Variants in UGCG observed in about 807,000 individuals in gnomAD.
UGCG encodes the protein UDP-glucose ceramide glucosyltransferase, also known as ceramide glucosyltransferase.
Under a neutral mutation model 49.5 loss-of-function variants are expected in UGCG, and 10 were observed. The observed-to-expected ratio is 0.20, with a 90% confidence interval of 0.12 to 0.34. The LOEUF (loss-of-function observed/expected upper bound fraction) is 0.34. Ranked by LOEUF, UGCG falls within the 10% of genes least tolerant of loss-of-function variation. The probability of loss-of-function intolerance (pLI) is 1.00; values close to 1 mark genes in which losing one functional copy is unlikely to be tolerated. For synonymous variants in UGCG, 182 were observed against 158.2 expected (o/e 1.15, Z -1.13); for missense variants, 312 against 483.7 (o/e 0.65, Z 3.33).
Position 111,924,884 on chromosome 9 carries a change from G to GT in UGCG, c.445+13dup. On this transcript the variant is annotated splice_region_variant and intron_variant, in intron 4 of 8. Transcript: ENST00000374279. ...TTGTGATAGTGGAATAAGAGGTGAG[G>GT]TTTTTTTCTTATTTATTTTATAAAA... 1 of 1,425,572 alleles carries GT rather than the reference G, an allele frequency of 7.0e-7. No individual in the cohort carries two copies. The highest frequency in any genetic ancestry group is 9.3e-7 in the Non-Finnish European group (1 of 1,078,574). The allele number at this position is 1,425,572 out of a possible 1,614,324, so 88.3% of individuals were successfully genotyped here. A position where few individuals can be genotyped will look rare whatever the true frequency, so the allele number is the denominator to read the frequency against.
chr9:111,901,631 C>T (rs1474142585), intron 1 of UGCG, among the ~76,000 whole-genome samples: 1 of 152,174 alleles, frequency 6.6e-6, no homozygotes, highest in East Asian at 1.9e-4. Context: ...ACCACCATGG[C>T]ACATGTTTAC....
intron 1 of UGCG, among the ~76,000 whole-genome samples, chr9:111,911,965 G>GAT (rs1158195533): frequency 8.3e-5 from 4 of 48,466 alleles, no homozygotes; most frequent in East Asian, 4.8e-4. Flanking sequence ...TATTCAACAG[G>GAT]ATATATATAT....
chr9:111,908,443 C>T (rs761200794), intron 1 of UGCG, among the ~76,000 whole-genome samples: 50 of 152,276 alleles, frequency 3.3e-4, no homozygotes, highest in Non-Finnish European at 6.8e-4. Context: ...GAAGGAGACA[C>T]GAGAGGACTT....
At chr9:111,921,139 A>G (rs1242540189) in intron 2 of UGCG, among the ~76,000 whole-genome samples, 1 of 151,898 alleles carries the variant, frequency 6.6e-6, no homozygotes, top group African/African-American at 2.4e-5. Flanking sequence ...CTTGACCTGA[A>G]GTGATCCACC....
chr9:111,930,537 G>A (rs1279567323), intron 6 of UGCG, among the ~76,000 whole-genome samples: 1 of 149,968 alleles, frequency 6.7e-6, no homozygotes, highest in African/African-American at 2.5e-5. Context: ...GCGCAATCTC[G>A]GCTCACTGCA....
intron 8 of UGCG, among the ~76,000 whole-genome samples, 158 bp from the exon 9 acceptor site, chr9:111,932,669 T>G (rs1002437987): frequency 1.1e-4 from 17 of 152,226 alleles, no homozygotes; most frequent in African/African-American, 2.9e-4. Context: ...CAATTAGCAT[T>G]TTCTTGAACG....
At chr9:111,931,750 T>C (rs1838427579) in intron 7 of UGCG, among the ~76,000 whole-genome samples, 1 of 152,086 alleles carries the variant, frequency 6.6e-6, no homozygotes, top group South Asian at 2.1e-4. Context: ...TTTTAGGTTG[T>C]GTGTGGTGGC....
At chr9:111,902,733 C>T (rs1466157316) in intron 1 of UGCG, among the ~76,000 whole-genome samples, 1 of 151,968 alleles carries the variant, frequency 6.6e-6, no homozygotes, top group African/African-American at 2.4e-5. Context: ...TGAACTTTTG[C>T]CCTTGTGGAA....
chr9:111,906,212 A>T (rs1327758094), intron 1 of UGCG, among the ~76,000 whole-genome samples: 1 of 152,230 alleles, frequency 6.6e-6, no homozygotes, highest in South Asian at 2.1e-4. Context: ...TAAAGTTCGT[A>T]TGTTCAAAAG....
chr9:111,933,888 G>C lies in UGCG; in HGVS notation c.*891G>C, dbSNP rs1034402403. 6.6e-6 allele frequency: 1 copy of C among 152,158 alleles called. No homozygotes were observed. Among genetic ancestry groups the C allele is most frequent in the African/African-American group, 2.4e-5 (1 of 41,432 alleles). 9.4% of individuals were successfully genotyped at this position (152,158 alleles called of 1,614,324 possible). On this transcript the variant is annotated 3_prime_UTR_variant, in exon 9 of 9. Transcript: ENST00000374279. Reference sequence around the variant, plus strand: ...TGGGAGTGGTTTCATTTTAGTGTGAGTGGATGTTTTGATAGTTGTAAGGAA... The same window carrying C: ...TGGGAGTGGTTTCATTTTAGTGTGACTGGATGTTTTGATAGTTGTAAGGAA...
At chr9:111,907,637 T>TG (rs1554733063) in intron 1 of UGCG, among the ~76,000 whole-genome samples, 1 of 151,450 alleles carries the variant, frequency 6.6e-6, no homozygotes, top group East Asian at 1.9e-4. Flanking sequence ...TCTTTTTTTT[T>TG]TTTTTGAGAT....
Position 111,932,845 on chromosome 9 carries a change from T to C in UGCG, c.1033T>C (p.Ser345Pro), listed in dbSNP as rs1838452393. Residue 345 changes from serine to proline, a missense_variant, in exon 9 of 9, where the codon TCA becomes CCA. Physicochemically the swap from Ser to Pro is moderately conservative, Grantham distance 74 (BLOSUM62 -1). Around this residue, in one of 4 missense-constraint regions of UGCG, gnomAD observed 180 missense variants for 320.4 expected, o/e 0.56. Transcript: ENST00000374279. Reference protein sequence around the residue: ...RGVQGGTLCFSKLDYAVAWFI... With the variant: ...RGVQGGTLCFPKLDYAVAWFI... Reference sequence around the variant, plus strand: ...TTCCTAGGGTGGCACACTGTGTTTTTCAAAACTTGATTATGCAGTCGCCTG... The same window carrying C: ...TTCCTAGGGTGGCACACTGTGTTTTCCAAAACTTGATTATGCAGTCGCCTG... 1 of 1,601,760 alleles carries C rather than the reference T, an allele frequency of 6.2e-7. No individual in the cohort carries two copies. Among genetic ancestry groups the C allele is most frequent in the Non-Finnish European group, 8.5e-7 (1 of 1,173,620 alleles).
At chr9:111,928,706 G>A (rs1838368821) in intron 5 of UGCG, among the ~76,000 whole-genome samples, 1 of 152,176 alleles carries the variant, frequency 6.6e-6, no homozygotes, top group African/African-American at 2.4e-5. Flanking sequence ...GCTCTGCACT[G>A]TGTGTGTAAC....
At chr9:111,904,097 A>G (rs1468047694) in intron 1 of UGCG, among the ~76,000 whole-genome samples, 2 of 152,176 alleles carry the variant, frequency 1.3e-5, no homozygotes, top group Non-Finnish European at 2.9e-5. Context: ...CTGTCTGCCC[A>G]CAGTTGTGTC....
intron 2 of UGCG, among the ~76,000 whole-genome samples, chr9:111,918,774 A>C (rs954242413): frequency 6.6e-6 from 1 of 152,124 alleles, no homozygotes; most frequent in African/African-American, 2.4e-5. Context: ...ACAAAAAAAA[A>C]ATTAGCTGGG....
intron 1 of UGCG, among the ~76,000 whole-genome samples, chr9:111,910,972 C>G (rs1837986113): frequency 6.6e-6 from 1 of 152,142 alleles, no homozygotes; most frequent in South Asian, 2.1e-4. Flanking sequence ...GTCTCAAACT[C>G]CTGACCTCAA....
At chr9:111,910,657 T>A (rs1417213963) in intron 1 of UGCG, among the ~76,000 whole-genome samples, 1 of 152,342 alleles carries the variant, frequency 6.6e-6, no homozygotes, top group South Asian at 2.1e-4. Flanking sequence ...CCTTCTCTTC[T>A]CTTGGGTTTT....
At chr9:111,923,016 T>C (rs1029171955) in intron 3 of UGCG, 65 bp downstream of exon 3, 7 of 1,076,232 alleles carry the variant, frequency 6.5e-6, no homozygotes, top group South Asian at 2.9e-5. Flanking sequence ...AATCTCTGCA[T>C]TGAACTGAAG....
intron 4 of UGCG, among the ~76,000 whole-genome samples, chr9:111,926,020 C>T (rs1018454474): frequency 2.0e-5 from 3 of 152,186 alleles, no homozygotes; most frequent in Non-Finnish European, 4.4e-5. Flanking sequence ...GAAGCCAGCA[C>T]GAGAACTGAG....
Sources: allele counts gnomAD v4.1 joint callset (sites outside exome capture counted in the v4.1 genomes callset), GRCh38; gene constraint gnomAD v4.1.1; regional missense constraint gnomAD v4.1.1; transcripts MANE v1.5; gene names NCBI Gene and HGNC (gene_info 2026-07-23, HGNC 2026-07-21).